Variants in PIK3CA observed in about 807,000 individuals in gnomAD.
The protein encoded by PIK3CA is phosphatidylinositol-4,5-bisphosphate 3-kinase catalytic subunit alpha, also known as phosphatidylinositol 4,5-bisphosphate 3-kinase catalytic subunit alpha isoform.
A neutral mutation model predicts 138.2 loss-of-function variants in PIK3CA; 27 were observed. The ratio of observed to expected loss-of-function variants is 0.20; its 90% CI spans 0.14 to 0.27. The LOEUF (loss-of-function observed/expected upper bound fraction) is 0.27. Among genes scored for constraint, PIK3CA ranks in the 10% least tolerant of loss-of-function variants. PIK3CA has a pLI of 1.00. For missense variants in PIK3CA, 544 were observed against 1,277.4 expected, an observed-to-expected ratio of 0.43 and a Z score of 8.75; for synonymous variants, 358 against 413.2, an observed-to-expected ratio of 0.87 and a Z score of 1.62.
chr3:179,182,141 C>T (rs1198266252), intron 1 of PIK3CA, among the ~76,000 whole-genome samples: 1 of 152,040 alleles, frequency 6.6e-6, no homozygotes, highest in African/African-American at 2.4e-5. Context: ...TCCTCTGTGC[C>T]TTTATTTTAA....
chr3:179,217,601 A>G (rs987622014), intron 9 of PIK3CA, among the ~76,000 whole-genome samples: 1 of 152,052 alleles, frequency 6.6e-6, no homozygotes, highest in Non-Finnish European at 1.5e-5. Flanking sequence ...ATTATTCATT[A>G]CACAGTTAAT....
At chr3:179,222,254 A>G (rs936622184) in intron 14 of PIK3CA, among the ~76,000 whole-genome samples, 2 of 152,188 alleles carry the variant, frequency 1.3e-5, no homozygotes, top group South Asian at 2.1e-4. Context: ...AAAAATTAAA[A>G]CAAAGTTATT....
chr3:179,187,597 C>T (rs191816253), intron 1 of PIK3CA, among the ~76,000 whole-genome samples: 1 of 149,836 alleles, frequency 6.7e-6, no homozygotes, highest in East Asian at 2.0e-4. Context: ...GTGTTCCAAG[C>T]ACTATGCTGA....
At chr3:179,157,149 A>T (rs1306033854) in intron 1 of PIK3CA, among the ~76,000 whole-genome samples, 2 of 152,164 alleles carry the variant, frequency 1.3e-5, no homozygotes, top group Non-Finnish European at 2.9e-5. Context: ...ACATTTTGGA[A>T]CCCTAACTTT....
At position 179,199,311 on chromosome 3, in the gene PIK3CA, A is replaced by C. The variant is rs572198516; in HGVS notation, c.352+134A>C. On this transcript the variant is annotated intron_variant, in intron 2 of 20. Coordinates refer to ENST00000263967, the MANE Select transcript of PIK3CA (RefSeq NM_006218.4). ...TTCTAAATAAAAATCATAAATCTAAAGTATGTTTTACTATCGAACTATGGA... is the reference window on the plus strand; with the variant it reads ...TTCTAAATAAAAATCATAAATCTAACGTATGTTTTACTATCGAACTATGGA... 53 of 578,908 alleles carry C rather than the reference A, an allele frequency of 9.2e-5. No homozygotes were observed. The East Asian group carries it at 1.6e-3, about 17-fold the overall frequency. The allele number at this position is 578,908 out of a possible 1,614,324, so 35.9% of individuals were successfully genotyped here. A position where few individuals can be genotyped will look rare whatever the true frequency, so the allele number is the denominator to read the frequency against.
At chr3:179,232,719 T>G in intron 20 of PIK3CA, among the ~76,000 whole-genome samples, 1 of 152,194 alleles carries the variant, frequency 6.6e-6, no homozygotes, top group East Asian at 1.9e-4. Context: ...CCTAGGTATT[T>G]TTTTGAAGCT....
chr3:179,197,861 C>A (rs1325710921), intron 1 of PIK3CA, among the ~76,000 whole-genome samples: 2 of 151,984 alleles, frequency 1.3e-5, no homozygotes, highest in African/African-American at 2.4e-5. Flanking sequence ...CTAAAAGACC[C>A]CCCAAGATTG....
chr3:179,177,837 C>T (rs550896699), intron 1 of PIK3CA, among the ~76,000 whole-genome samples: 4 of 151,962 alleles, frequency 2.6e-5, no homozygotes, highest in Admixed American at 1.3e-4. Context: ...AGTTTTTGCT[C>T]ATCAAAAGAC....
chr3:179,191,522 GT>G (rs1277612353), intron 1 of PIK3CA, among the ~76,000 whole-genome samples: 1 of 152,212 alleles, frequency 6.6e-6, no homozygotes, highest in East Asian at 1.9e-4. Flanking sequence ...GCTGCCAGTT[GT>G]GCCAATTGTG....
At chr3:179,185,222 G>T (rs571229489) in intron 1 of PIK3CA, among the ~76,000 whole-genome samples, 1 of 152,152 alleles carries the variant, frequency 6.6e-6, no homozygotes, top group Non-Finnish European at 1.5e-5. Flanking sequence ...TAAACTTCAG[G>T]GGGGAGAAGT....
intron 1 of PIK3CA, among the ~76,000 whole-genome samples, chr3:179,175,486 TC>T (rs1325326309): frequency 6.6e-6 from 1 of 152,180 alleles, no homozygotes; most frequent in African/African-American, 2.4e-5. Flanking sequence ...ACTCCGTAAG[TC>T]CCTGCTGCTT....
At chr3:179,149,425 G>A (rs1722951955) in intron 1 of PIK3CA, 2 of 152,162 alleles carry the variant, frequency 1.3e-5, no homozygotes. Flanking sequence ...TAAAGGAATA[G>A]TGATGGTGGC....
chr3:179,209,265 A>T (rs1724648090), intron 6 of PIK3CA, among the ~76,000 whole-genome samples: 1 of 151,950 alleles, frequency 6.6e-6, no homozygotes, highest in Admixed American at 6.6e-5. Flanking sequence ...GTTGTAACAA[A>T]TTATACCCCA....
At chr3:179,149,712 C>G (rs1030371653) in intron 1 of PIK3CA, 6 of 152,134 alleles carry the variant, frequency 3.9e-5, no homozygotes, top group African/African-American at 1.4e-4. Flanking sequence ...CCTTAGAATA[C>G]TTGGGTAGGT....
In PIK3CA at chr3:179,219,227, C is replaced by T. The variant is rs996189594; in HGVS notation, c.1696C>T (p.Pro566Ser). 1 of 1,605,376 alleles carries T rather than the reference C, an allele frequency of 6.2e-7. No individual in the cohort carries two copies. The highest frequency in any genetic ancestry group is 8.5e-7 in the Non-Finnish European group (1 of 1,172,616). ...HYCVTIPEILPKLLLSVKWNS... is the reference protein window; with the variant it reads ...HYCVTIPEILSKLLLSVKWNS... ...TTGTGTAACTATCCCCGAAATTCTA[C>T]CCAAATTGCTTCTGTCTGTTAAATG... Residue 566 changes from proline to serine, a missense_variant, in exon 11 of 21, where the codon CCC (proline) becomes TCC (serine). Around this residue, in one of 14 missense-constraint regions of PIK3CA, gnomAD observed 13 missense variants for 16.1 expected, o/e 0.81. Coordinates refer to ENST00000263967, the MANE Select transcript of PIK3CA (RefSeq NM_006218.4). The surrounding 1 kb of genome is among the most constrained non-coding windows in gnomAD (Gnocchi z 4.2).
chr3:179,183,867 A>G (rs1723909830), intron 1 of PIK3CA, among the ~76,000 whole-genome samples: 1 of 152,218 alleles, frequency 6.6e-6, no homozygotes, highest in African/African-American at 2.4e-5. Context: ...CTTGTTGTAT[A>G]TTAAATACTT....
At chr3:179,227,891 T>A (rs1725120225) in intron 17 of PIK3CA, among the ~76,000 whole-genome samples, 1 of 152,050 alleles carries the variant, frequency 6.6e-6, no homozygotes, top group African/African-American at 2.4e-5. Context: ...TAAAAAGCAT[T>A]TGTGCCACAT....
rs1188355174 is a variant in PIK3CA at position 179,237,652 on chromosome 3, A to G, written c.*3288A>G. ...TTCCATCAAAAATCGAGTGATTTGGAATTATAAAAAAATTGTGAGCAGCCT... is the reference window on the plus strand; with the variant it reads ...TTCCATCAAAAATCGAGTGATTTGGGATTATAAAAAAATTGTGAGCAGCCT... On this transcript the variant is annotated 3_prime_UTR_variant, in exon 21 of 21. Coordinates refer to ENST00000263967, the MANE Select transcript of PIK3CA (RefSeq NM_006218.4). The G allele has an allele frequency of 9.6e-6, 2 of 208,590 alleles. No homozygotes were observed. Among genetic ancestry groups the G allele is most frequent in the African/African-American group, 4.5e-5 (2 of 44,040 alleles). The allele number at this position is 208,590 out of a possible 1,614,324, so 12.9% of individuals were successfully genotyped here.
chr3:179,197,504 AT>A (rs1013432971), intron 1 of PIK3CA, among the ~76,000 whole-genome samples: 1 of 152,174 alleles, frequency 6.6e-6, no homozygotes, highest in Non-Finnish European at 1.5e-5. Flanking sequence ...CATACACATA[AT>A]CTTCATATTC....
Sources: allele counts gnomAD v4.1 joint callset (sites outside exome capture counted in the v4.1 genomes callset), GRCh38; gene constraint gnomAD v4.1.1; regional missense constraint gnomAD v4.1.1; non-coding constraint Gnocchi (gnomAD v3.1); transcripts MANE v1.5; gene names NCBI Gene and HGNC (gene_info 2026-07-23, HGNC 2026-07-21).